Variants in CDH18 observed in about 807,000 individuals in gnomAD.
The protein encoded by CDH18 is cadherin-18.
In CDH18, 31 loss-of-function variants were observed where a neutral mutation model predicts 67.9. The observed-to-expected ratio is 0.46, with a 90% confidence interval of 0.34 to 0.62. The LOEUF (loss-of-function observed/expected upper bound fraction) is 0.62. CDH18 is among the 20% of genes least tolerant of loss of function. The pLI is 0.01. For synonymous variants in CDH18, 362 were observed against 347.2 expected (o/e 1.04, Z -0.48); for missense variants, 890 against 975.5 (o/e 0.91, Z 1.17).
At chr5:19,920,509 ACT>A (rs1792314016) in intron 2 of CDH18, among the ~76,000 whole-genome samples, 1 of 88,810 alleles carries the variant, frequency 1.1e-5, no homozygotes, top group South Asian at 4.1e-4. Context: ...ATTTAACCTT[ACT>A]TTTTTTTTTT....
At chr5:19,554,621 T>C (rs560744622) in intron 8 of CDH18, among the ~76,000 whole-genome samples, 4 of 152,106 alleles carry the variant, frequency 2.6e-5, no homozygotes, top group African/African-American at 9.6e-5. Flanking sequence ...GTTATTCCCC[T>C]GTTAGTAGAT....
rs1301048234 is a variant in CDH18, at chr5:19,540,205, C to T, written c.1390+3664G>A. Reference sequence around the variant, plus strand: ...CTGAAATCCAGCAGGGCAGTCAAATCTTAAAGTTCCAAAATGATCTCCCTT... The same window carrying T: ...CTGAAATCCAGCAGGGCAGTCAAATTTTAAAGTTCCAAAATGATCTCCCTT... On this transcript the variant is annotated intron_variant, in intron 9 of 12. Coordinates refer to ENST00000382275, the MANE Select transcript of CDH18 (RefSeq NM_004934.5). 2.6e-5 allele frequency among the ~76,000 whole-genome samples: 4 copies of T among 152,092 alleles called. No individual in the cohort carries two copies. In the East Asian group the frequency reaches 7.7e-4, roughly 29 times the overall value.
At chr5:20,203,529 G>T (rs1739615761) in intron 2 of CDH18, among the ~76,000 whole-genome samples, 1 of 151,336 alleles carries the variant, frequency 6.6e-6, no homozygotes, top group Non-Finnish European at 1.5e-5. Flanking sequence ...GAAAATCTGG[G>T]CTTGAAGCAC....
At chr5:20,144,444 C>G (rs574209648) in intron 2 of CDH18, among the ~76,000 whole-genome samples, 1 of 152,254 alleles carries the variant, frequency 6.6e-6, no homozygotes, top group East Asian at 1.9e-4. Context: ...ACTCCTATAG[C>G]AGCAGTATAT....
In CDH18 at chr5:20,542,217, C is replaced by T. The variant is rs186647502; in HGVS notation, c.-580+33245G>A. On this transcript the variant is annotated intron_variant, in intron 1 of 14. Transcript: ENST00000507958. ...GTGGTGCTAAAGAATTTAGCAAATG[C>T]TAAGTAAATAGTAAGTGTTAAATAA... 4.6e-5 allele frequency among the ~76,000 whole-genome samples: 7 copies of T among 152,074 alleles called. No individual in the cohort carries two copies. In the East Asian group the frequency reaches 1.4e-3, roughly 29 times the overall value.
intron 1 of CDH18, among the ~76,000 whole-genome samples, chr5:20,424,278 G>T (rs1363644863): frequency 6.6e-6 from 1 of 150,726 alleles, no homozygotes; most frequent in African/African-American, 2.5e-5. Context: ...AAATCTGAGG[G>T]AAAATATTGT....
At position 19,524,538 on chromosome 5, in the gene CDH18, C is replaced by A. The variant is rs559384725; in HGVS notation, c.1391-3760G>T. On this transcript the variant is annotated intron_variant, in intron 9 of 12. Coordinates refer to ENST00000382275, the MANE Select transcript of CDH18 (RefSeq NM_004934.5). Reference sequence around the variant, plus strand: ...ACACAGTTTAAATGATTTATCTCAGCAAAGGGTTATATTCTACTTCTTTTG... The same window carrying A: ...ACACAGTTTAAATGATTTATCTCAGAAAAGGGTTATATTCTACTTCTTTTG... Among the ~76,000 whole-genome samples, 3 of 151,938 alleles carry A rather than the reference C, an allele frequency of 2.0e-5. 1 individual carries two copies. In the South Asian group the frequency reaches 6.2e-4, roughly 32 times the overall value.
chr5:20,430,793 G>A (rs978128296), intron 1 of CDH18, among the ~76,000 whole-genome samples: 1 of 152,090 alleles, frequency 6.6e-6, no homozygotes, highest in African/African-American at 2.4e-5. Flanking sequence ...GCCATGTGAA[G>A]TATTTAATTT....
chr5:19,872,285 A>T (rs1786404994), intron 2 of CDH18, among the ~76,000 whole-genome samples: 1 of 152,176 alleles, frequency 6.6e-6, no homozygotes. Context: ...AGGGTATGTG[A>T]ACTACATACT....
At chr5:20,222,124 T>C (rs1406316710) in intron 2 of CDH18, among the ~76,000 whole-genome samples, 1 of 152,150 alleles carries the variant, frequency 6.6e-6, no homozygotes, top group Non-Finnish European at 1.5e-5. Context: ...GCAGAGTCCA[T>C]GAAGCCAAAG....
At chr5:19,559,915 C>CAAAAAAAAAAAAAAAAAAAAAAAAA (rs754748614) in intron 8 of CDH18, among the ~76,000 whole-genome samples, 1 of 131,944 alleles carries the variant, frequency 7.6e-6, no homozygotes, top group African/African-American at 3.0e-5. Flanking sequence ...ATAATAGTTG[C>CAAAAAAAAAAAAAAAAAAAAAAAAA]AAAAACAAAC....
intron 1 of CDH18, among the ~76,000 whole-genome samples, chr5:20,397,650 C>A (rs113441086): frequency 0.024 from 3,698 of 152,060 alleles, 76 homozygotes; most frequent in Non-Finnish European, 0.039. Flanking sequence ...TAATACAAAG[C>A]CACATTTGTA....
At chr5:20,389,807 A>C (rs186553689) in intron 1 of CDH18, among the ~76,000 whole-genome samples, 2 of 152,316 alleles carry the variant, frequency 1.3e-5, no homozygotes, top group East Asian at 3.9e-4. Flanking sequence ...CCAATGGAAA[A>C]GAACAGAGCC....
intron 1 of CDH18, among the ~76,000 whole-genome samples, chr5:20,309,895 T>C (rs1225102866): frequency 2.0e-5 from 3 of 152,204 alleles, no homozygotes; most frequent in Non-Finnish European, 4.4e-5. Context: ...TTACTTTCAT[T>C]TTCAGAAAAA....
At chr5:19,521,876 TAAGA>T (rs1223167836) in intron 9 of CDH18, among the ~76,000 whole-genome samples, 2 of 152,018 alleles carry the variant, frequency 1.3e-5, no homozygotes, top group African/African-American at 4.8e-5. Context: ...CTAGAAAATA[TAAGA>T]AAGAGGAAAT....
chr5:20,020,303 C>A (rs1050495538), intron 2 of CDH18, among the ~76,000 whole-genome samples: 2 of 152,134 alleles, frequency 1.3e-5, no homozygotes, highest in African/African-American at 4.8e-5. Flanking sequence ...AAAAGAAAGG[C>A]CCATTTAATG....
chr5:20,293,754 T>C (rs975316620), intron 1 of CDH18, among the ~76,000 whole-genome samples: 1 of 152,200 alleles, frequency 6.6e-6, no homozygotes, highest in African/African-American at 2.4e-5. Flanking sequence ...TGAAAGTTAA[T>C]TTAGATAATT....
chr5:19,965,498 C>G (rs1302920835), intron 2 of CDH18, among the ~76,000 whole-genome samples: 2 of 152,098 alleles, frequency 1.3e-5, no homozygotes, highest in African/African-American at 4.8e-5. Flanking sequence ...TCCCCTGATA[C>G]AGGAAATGAC....
intron 3 of CDH18, among the ~76,000 whole-genome samples, chr5:19,794,624 C>G (rs1459256178): frequency 1.3e-5 from 2 of 151,786 alleles, no homozygotes; most frequent in African/African-American, 2.4e-5. Flanking sequence ...TCTGTAGAAC[C>G]CTAATATAAA....
Sources: allele counts gnomAD v4.1 joint callset (sites outside exome capture counted in the v4.1 genomes callset), GRCh38; gene constraint gnomAD v4.1.1; transcripts MANE v1.5; gene names NCBI Gene and HGNC (gene_info 2026-07-23, HGNC 2026-07-21).